The following AKT3 variants were observed in gnomAD, a reference collection of about 807,000 sequenced individuals.
AKT3 encodes RAC-gamma serine/threonine-protein kinase.
Under a neutral mutation model 65.3 loss-of-function variants are expected in AKT3, and 15 were observed. The ratio of observed to expected loss-of-function variants is 0.23; its 90% CI spans 0.15 to 0.35. The LOEUF is 0.35. Among genes scored for constraint, AKT3 ranks in the 10% least tolerant of loss-of-function variants. The probability of loss-of-function intolerance (pLI) is 1.00; values close to 1 mark genes in which losing one functional copy is unlikely to be tolerated. For synonymous variants in AKT3, 206 were observed against 183.8 expected (o/e 1.12, Z -0.98); for missense variants, 243 against 576.5 (o/e 0.42, Z 5.92).
intron 2 of AKT3, among the ~76,000 whole-genome samples, chr1:243,730,647 C>T (rs377055659): frequency 3.9e-4 from 59 of 152,260 alleles, no homozygotes; most frequent in Middle Eastern, 6.8e-3. Context: ...GCCTGGGAGC[C>T]GCCGGCTGGG....
chr1:243,529,220 T>C (rs921113315), intron 12 of AKT3, among the ~76,000 whole-genome samples: 1 of 151,068 alleles, frequency 6.6e-6, no homozygotes, highest in Admixed American at 6.6e-5. Flanking sequence ...GTCAGATGCA[T>C]AGTTTGCAAA....
intron 2 of AKT3, among the ~76,000 whole-genome samples, chr1:243,771,709 G>A (rs946592414): frequency 6.6e-6 from 1 of 151,966 alleles, no homozygotes; most frequent in Non-Finnish European, 1.5e-5. Context: ...GTTCAAGTAA[G>A]ACTAATCAAT....
At chr1:243,506,991 G>C (rs959729195) in intron 13 of AKT3, among the ~76,000 whole-genome samples, 1 of 152,174 alleles carries the variant, frequency 6.6e-6, no homozygotes, top group Non-Finnish European at 1.5e-5. Context: ...TAGAGAATAC[G>C]GGCAGCTAAA....
At chr1:243,823,853 A>G (rs149610344) in intron 2 of AKT3, among the ~76,000 whole-genome samples, 1 of 152,356 alleles carries the variant, frequency 6.6e-6, no homozygotes, top group East Asian at 1.9e-4. Flanking sequence ...TATAGATTCA[A>G]TACTATTCCC....
intron 3 of AKT3, among the ~76,000 whole-genome samples, chr1:243,676,547 T>C (rs1683527354): frequency 6.6e-6 from 1 of 152,210 alleles, no homozygotes; most frequent in Non-Finnish European, 1.5e-5. Context: ...AGCATCTCCT[T>C]TGATGCCCTA....
chr1:243,615,066 G>T, intron 7 of AKT3, 30 bp downstream of exon 7: 2 of 1,425,054 alleles, frequency 1.4e-6, no homozygotes, highest in Non-Finnish European at 1.9e-6. Flanking sequence ...CAAATGTTAC[G>T]ATTATAACAT....
intron 8 of AKT3, among the ~76,000 whole-genome samples, chr1:243,599,170 CAAAT>C (rs751693165): frequency 1.8e-3 from 276 of 152,106 alleles, no homozygotes; most frequent in Non-Finnish European, 3.0e-3. Context: ...TTTTCTCACA[CAAAT>C]AAAAGCTAAC....
chr1:243,530,831 C>G (rs908591420), intron 12 of AKT3, among the ~76,000 whole-genome samples: 4 of 152,178 alleles, frequency 2.6e-5, no homozygotes, highest in Non-Finnish European at 5.9e-5. Flanking sequence ...ACAAAGGGGT[C>G]ATTACTACTC....
chr1:243,699,552 T>C (rs1268160971), intron 2 of AKT3, among the ~76,000 whole-genome samples: 1 of 144,122 alleles, frequency 6.9e-6, no homozygotes, highest in Non-Finnish European at 1.5e-5. Context: ...CACACTCTTT[T>C]GCTGGAAGCT....
Position 243,674,372 on chromosome 1 carries a change from C to G in AKT3, c.173-9489G>C, listed in dbSNP as rs117277940. The stretch of plus-strand genomic sequence containing the variant: ...TGAACAATGATAGCATTACTAAGAG[C>G]TGGTCAACCAAATACTAGGTACCTC... On this transcript the variant is annotated intron_variant, in intron 3 of 13. Transcript: ENST00000673466. Among the ~76,000 whole-genome samples the G allele has an allele frequency of 2.4e-3, 367 of 151,974 alleles. 15 individuals are homozygous for G. The East Asian group carries it at 0.067, about 28-fold the overall frequency.
At position 243,794,654 on chromosome 1, in the gene AKT3, T is replaced by A. The variant is rs577597680; in HGVS notation, c.46+48471A>T. 3.9e-5 allele frequency among the ~76,000 whole-genome samples: 6 copies of A among 152,346 alleles called. No homozygotes were observed. In the South Asian group the frequency reaches 1.2e-3, roughly 32 times the overall value. On this transcript the variant is annotated intron_variant, in intron 2 of 13. Transcript: ENST00000673466. The stretch of plus-strand genomic sequence containing the variant: ...GACACAAGAAGAAGAGTATAATGCA[T>A]GACTGCTTAAGAGAACCATAAAAAT...
chr1:243,737,603 G>T (rs1687920465), intron 2 of AKT3, among the ~76,000 whole-genome samples: 1 of 152,150 alleles, frequency 6.6e-6, no homozygotes, highest in Non-Finnish European at 1.5e-5. Context: ...GTGAAAAGGA[G>T]AAAAGGGACA....
At chr1:243,610,944 T>C (rs1021933248) in intron 8 of AKT3, among the ~76,000 whole-genome samples, 5 of 152,216 alleles carry the variant, frequency 3.3e-5, no homozygotes, top group African/African-American at 1.2e-4. Flanking sequence ...GCAGACTCCT[T>C]ACGAATGCTC....
chr1:243,659,343 T>C (rs1405462160), intron 4 of AKT3, among the ~76,000 whole-genome samples: 2 of 152,356 alleles, frequency 1.3e-5, no homozygotes, highest in South Asian at 4.1e-4. Context: ...AGATCTGCTG[T>C]ACAATAATAT....
At chr1:243,722,140 C>T (rs1686951691) in intron 2 of AKT3, among the ~76,000 whole-genome samples, 2 of 152,026 alleles carry the variant, frequency 1.3e-5, no homozygotes, top group East Asian at 1.9e-4. Context: ...GTTATTCTCA[C>T]GAACAAAAGT....
At chr1:243,657,860 T>C (rs1410038658) in intron 4 of AKT3, among the ~76,000 whole-genome samples, 1 of 152,168 alleles carries the variant, frequency 6.6e-6, no homozygotes, top group African/African-American at 2.4e-5. Flanking sequence ...AAATGATCTT[T>C]GACAAGGGCG....
chr1:243,642,508 A>G (rs915700713), intron 5 of AKT3, among the ~76,000 whole-genome samples: 1 of 152,080 alleles, frequency 6.6e-6, no homozygotes, highest in East Asian at 1.9e-4. Flanking sequence ...ACGGGGTTTC[A>G]CCGTGTTAGC....
chr1:243,828,932 G>C (rs1053154623), intron 2 of AKT3, among the ~76,000 whole-genome samples: 5 of 152,124 alleles, frequency 3.3e-5, no homozygotes, highest in African/African-American at 9.7e-5. Flanking sequence ...CGAGTTCCAG[G>C]TTCCCATGGC....
chr1:243,809,790 A>C (rs373294792), intron 2 of AKT3, among the ~76,000 whole-genome samples: 1 of 152,146 alleles, frequency 6.6e-6, no homozygotes, highest in East Asian at 1.9e-4. Context: ...GAAGTAAAGC[A>C]CTCCTCAGCA....
Sources: allele counts gnomAD v4.1 joint callset (sites outside exome capture counted in the v4.1 genomes callset), GRCh38; gene constraint gnomAD v4.1.1; transcripts MANE v1.5; gene names NCBI Gene and HGNC (gene_info 2026-07-23, HGNC 2026-07-21).